Variants in ASTN2 observed in about 807,000 individuals in gnomAD.
ASTN2 encodes the protein astrotactin 2, also known as astrotactin-2.
ASTN2 carries 54 observed loss-of-function variants against 139.8 expected under a neutral mutation model. The ratio of observed to expected loss-of-function variants is 0.39; its 90% CI spans 0.31 to 0.48. The LOEUF (loss-of-function observed/expected upper bound fraction) is 0.48, where lower values mean the gene tolerates loss of function less well. ASTN2 is among the 20% of genes least tolerant of loss of function. The pLI, the probability that ASTN2 is intolerant of heterozygous loss-of-function variation, is 0.95. For synonymous variants in ASTN2, 756 were observed against 719.5 expected (o/e 1.05, Z -0.81); for missense variants, 1,565 against 1,725.1 (o/e 0.91, Z 1.64).
chr9:117,141,824 C>A (rs1830082557), intron 3 of ASTN2, among the ~76,000 whole-genome samples: 1 of 152,144 alleles, frequency 6.6e-6, no homozygotes, highest in Non-Finnish European at 1.5e-5. Flanking sequence ...CCAGACAATT[C>A]TAACATTGTG....
At chr9:117,097,136 G>A (rs1395413477) in intron 4 of ASTN2, among the ~76,000 whole-genome samples, 1 of 152,212 alleles carries the variant, frequency 6.6e-6, no homozygotes, top group Non-Finnish European at 1.5e-5. Context: ...CCACCTAGGT[G>A]AATGGAGGTC....
At chr9:116,571,855 G>A (rs1853531873) in intron 19 of ASTN2, among the ~76,000 whole-genome samples, 1 of 151,980 alleles carries the variant, frequency 6.6e-6, no homozygotes, top group South Asian at 2.1e-4. Flanking sequence ...CCTTTCGTTG[G>A]CTGCACATAG....
At chr9:116,824,908 T>C (rs1207938067) in intron 11 of ASTN2, among the ~76,000 whole-genome samples, 1 of 152,136 alleles carries the variant, frequency 6.6e-6, no homozygotes, top group African/African-American at 2.4e-5. Context: ...AAAATTTGTT[T>C]GGGAAAATAA....
intron 20 of ASTN2, among the ~76,000 whole-genome samples, chr9:116,480,584 A>G (rs1564306780): frequency 6.6e-6 from 1 of 152,264 alleles, no homozygotes; most frequent in Non-Finnish European, 1.5e-5. Flanking sequence ...CAGAGACTAA[A>G]TCATTACAGT....
intron 16 of ASTN2, among the ~76,000 whole-genome samples, chr9:116,707,497 G>A (rs968068156): frequency 6.6e-6 from 1 of 151,872 alleles, no homozygotes; most frequent in Non-Finnish European, 1.5e-5. Flanking sequence ...GCAGGATCGA[G>A]AGGACCTTCC....
At chr9:117,388,955 ATAT>A (rs1247114162) in intron 1 of ASTN2, among the ~76,000 whole-genome samples, 5 of 152,226 alleles carry the variant, frequency 3.3e-5, no homozygotes, top group African/African-American at 1.2e-4. Flanking sequence ...ACAAGTACAG[ATAT>A]TATGCCAGGA....
At chr9:117,248,849 A>G (rs1002660994) in intron 2 of ASTN2, among the ~76,000 whole-genome samples, 1 of 152,186 alleles carries the variant, frequency 6.6e-6, no homozygotes, top group African/African-American at 2.4e-5. Flanking sequence ...CCTTTGTGCA[A>G]CACCCAGTGT....
chr9:117,375,485 A>T (rs1830097675), intron 1 of ASTN2, among the ~76,000 whole-genome samples: 1 of 152,242 alleles, frequency 6.6e-6, no homozygotes, highest in Admixed American at 6.5e-5. Context: ...TCCACGAGCA[A>T]GCATTTATTT....
chr9:116,474,939 A>AC (rs1345042385), intron 20 of ASTN2, among the ~76,000 whole-genome samples: 1 of 152,174 alleles, frequency 6.6e-6, no homozygotes, highest in Non-Finnish European at 1.5e-5. Context: ...AGTGATGGTC[A>AC]CAGCCTACTG....
intron 17 of ASTN2, among the ~76,000 whole-genome samples, chr9:116,632,185 G>GGAGAGAGA (rs1554723278): frequency 2.1e-5 from 1 of 48,712 alleles, no homozygotes; most frequent in Non-Finnish European, 3.6e-5. Context: ...AGAGAGAGAG[G>GGAGAGAGA]GAGAGAGAGA....
In ASTN2 at chr9:116,698,050, G is replaced by A; in HGVS notation, c.2806+27721C>T. The A allele has an allele frequency of 1.2e-6, 2 of 1,614,012 alleles. No individual in the cohort carries two copies. Among genetic ancestry groups the A allele is most frequent in the Non-Finnish European group, 1.7e-6 (2 of 1,180,028 alleles). ...GTGGGGCTGCTCATGTGTCGGTCCT[G>A]TGGGCGGCGTCTGCCCCGGCAATTC... On this transcript the variant is annotated intron_variant, in intron 16 of 22. Transcript: ENST00000313400. This position sits in a 1 kb window ranked among gnomAD's most constrained non-coding sequence, Gnocchi z 4.4.
intron 10 of ASTN2, among the ~76,000 whole-genome samples, chr9:116,909,934 G>A (rs112758581): frequency 0.044 from 6,684 of 152,224 alleles, 305 homozygotes; most frequent in African/African-American, 0.11. Flanking sequence ...TGGGAGACAG[G>A]GGAAGGATGA....
rs1484085620 is a variant in ASTN2, at chr9:117,134,285, TATATATATATACAC to T, written c.1168+7027_1168+7040del. Among the ~76,000 whole-genome samples, 94 of 76,022 alleles carry T rather than the reference TATATATATATACAC, an allele frequency of 1.2e-3. 1 individual carries two copies. The highest frequency in any genetic ancestry group is 1.5e-3 in the Admixed American group (11 of 7,388). 49.9% of individuals were successfully genotyped at this position (76,022 alleles called of 152,430 possible). On this transcript the variant is annotated intron_variant, in intron 4 of 22. Coordinates refer to ENST00000313400, the MANE Select transcript of ASTN2 (RefSeq NM_001365068.1). ...TGAAAATTATATATATATATATATATATATATATATACACACACACACACACACACACACACACA... is the reference window on the plus strand; with the variant it reads ...TGAAAATTATATATATATATATATATACACACACACACACACACACACACA...
intron 5 of ASTN2, among the ~76,000 whole-genome samples, chr9:117,040,540 C>A (rs1336842399): frequency 1.3e-5 from 2 of 152,182 alleles, no homozygotes; most frequent in Non-Finnish European, 2.9e-5. Flanking sequence ...CTCACTGTAA[C>A]CTCCGCCACA....
intron 4 of ASTN2, among the ~76,000 whole-genome samples, chr9:117,126,336 A>G (rs1028519153): frequency 3.9e-5 from 6 of 152,208 alleles, no homozygotes; most frequent in African/African-American, 1.4e-4. Context: ...GAGAACTGGA[A>G]GCAGTCAGGT....
chr9:116,630,524 A>G (rs1358918431), intron 17 of ASTN2, among the ~76,000 whole-genome samples: 1 of 152,198 alleles, frequency 6.6e-6, no homozygotes, highest in Non-Finnish European at 1.5e-5. Context: ...CAGGTAGCAC[A>G]TGACAAATTC....
At chr9:116,840,203 C>G (rs368244247) in intron 11 of ASTN2, among the ~76,000 whole-genome samples, 3 of 147,992 alleles carry the variant, frequency 2.0e-5, no homozygotes, top group African/African-American at 7.6e-5. Context: ...GTAAGGTCAC[C>G]GATCAACAGG....
At chr9:117,139,373 A>G (rs1830021862) in intron 4 of ASTN2, among the ~76,000 whole-genome samples, 1 of 152,206 alleles carries the variant, frequency 6.6e-6, no homozygotes, top group Non-Finnish European at 1.5e-5. Context: ...AACCAATGAT[A>G]CTTCCAAAGT....
At chr9:116,471,566 G>A (rs1848814130) in intron 20 of ASTN2, among the ~76,000 whole-genome samples, 1 of 152,028 alleles carries the variant, frequency 6.6e-6, no homozygotes, top group African/African-American at 2.4e-5. Context: ...TGGCATCCCG[G>A]GGAAAGAGGG....
Sources: allele counts gnomAD v4.1 joint callset (sites outside exome capture counted in the v4.1 genomes callset), GRCh38; gene constraint gnomAD v4.1.1; non-coding constraint Gnocchi (gnomAD v3.1); transcripts MANE v1.5; gene names NCBI Gene and HGNC (gene_info 2026-07-23, HGNC 2026-07-21).